Variants in ASL observed in about 807,000 individuals in gnomAD.
ASL encodes argininosuccinate lyase.
Under a neutral mutation model 69.1 loss-of-function variants are expected in ASL, and 51 were observed. The observed-to-expected ratio is 0.74, with a 90% CI of 0.59 to 0.93. The LOEUF is 0.93. ASL is among the 40% of genes least tolerant of loss of function. The probability of loss-of-function intolerance (pLI) is 0.00; values close to 1 mark genes in which losing one functional copy is unlikely to be tolerated. For synonymous variants in ASL, 241 were observed against 247.6 expected, an observed-to-expected ratio of 0.97 and a Z score of 0.25; for missense variants, 540 against 623.9, an observed-to-expected ratio of 0.87 and a Z score of 1.43.
chr7:66,086,905 A>T, intron 8 of ASL, 84 bp downstream of exon 8: 1 of 1,474,614 alleles, frequency 6.8e-7, no homozygotes, highest in Non-Finnish European at 9.2e-7. Flanking sequence ...GGAAGTGCAG[A>T]GTGGGACAGA....
intron 2 of ASL, among the ~76,000 whole-genome samples, chr7:66,081,148 G>T (rs1259313876): frequency 6.6e-6 from 1 of 152,222 alleles, no homozygotes; most frequent in Non-Finnish European, 1.5e-5. Context: ...CCTACCCAGA[G>T]GGTTGTGTCA....
At chr7:66,090,872 C>T (rs1786821035) in intron 14 of ASL, among the ~76,000 whole-genome samples, 1 of 152,010 alleles carries the variant, frequency 6.6e-6, no homozygotes, top group African/African-American at 2.4e-5. Context: ...CTAAGGTGGG[C>T]AGATCACTCG....
At position 66,089,349 on chromosome 7, in the gene ASL, G is replaced by C; in HGVS notation, c.978+14G>C. 1 of 1,596,816 alleles carries C rather than the reference G, an allele frequency of 6.3e-7. No individual in the cohort carries two copies. The highest frequency in any genetic ancestry group is 8.5e-7 in the Non-Finnish European group (1 of 1,171,236). Reference sequence around the variant, plus strand: ...AAAGACTTACAGGTGCGAGGCCGGGGGAGGCCTGGCTAGTACGTGCCAGTT... The same window carrying C: ...AAAGACTTACAGGTGCGAGGCCGGGCGAGGCCTGGCTAGTACGTGCCAGTT... On this transcript the variant is annotated intron_variant, in intron 13 of 16. Coordinates refer to ENST00000304874, the MANE Select transcript of ASL (RefSeq NM_000048.4).
intron 2 of ASL, among the ~76,000 whole-genome samples, chr7:66,077,770 G>A (rs1278818247): frequency 6.6e-6 from 1 of 152,066 alleles, no homozygotes; most frequent in Non-Finnish European, 1.5e-5. Context: ...ACCAAAACTG[G>A]TATTTCCCAT....
intron 2 of ASL, among the ~76,000 whole-genome samples, chr7:66,076,349 T>C (rs1175328384): frequency 2.0e-5 from 3 of 152,300 alleles, no homozygotes; most frequent in East Asian, 3.9e-4. Flanking sequence ...GTAGAGTGGC[T>C]CTGCCCTCAC....
chr7:66,077,262 C>A (rs1269489225), intron 2 of ASL, among the ~76,000 whole-genome samples: 2 of 152,042 alleles, frequency 1.3e-5, no homozygotes, highest in African/African-American at 2.4e-5. Context: ...GACCCTGTCT[C>A]TACAAAAAGA....
intron 14 of ASL, chr7:66,091,681 C>T (rs1786847020): frequency 2.6e-6 from 1 of 378,156 alleles, no homozygotes; most frequent in Admixed American, 3.7e-5. Context: ...ATGGCCACTG[C>T]ACTCCAGCCT....
chr7:66,093,019 G>T lies in ASL; in HGVS notation c.*107G>T. 6.6e-7 allele frequency: 1 copy of T among 1,518,082 alleles called. No homozygotes were observed. Among genetic ancestry groups the T allele is most frequent in the South Asian group, 1.2e-5 (1 of 83,400 alleles). The allele number at this position is 1,518,082 out of a possible 1,614,324, so 94.0% of individuals were successfully genotyped here. ...TGCTGGGCTTTCGGGGCTGGCCAGT[G>T]GGGACAGTCAGGGACTGGAGAGGCA... On this transcript the variant is annotated 3_prime_UTR_variant, in exon 17 of 17. Transcript: ENST00000304874.
At position 66,080,713 on chromosome 7, in the gene ASL, G is replaced by A. The variant is rs373665335; in HGVS notation, c.13-1090G>A. ...CACTCCAGCCTAGGCAACAGAGTGA[G>A]ACTCTATCTCAAAGAAAACGAACAA... On this transcript the variant is annotated intron_variant, in intron 2 of 16. Coordinates refer to ENST00000304874, the MANE Select transcript of ASL (RefSeq NM_000048.4). 1.2e-3 allele frequency among the ~76,000 whole-genome samples: 183 copies of A among 152,310 alleles called. 1 individual carries two copies. The highest frequency in any genetic ancestry group is 4.1e-3 in the African/African-American group (171 of 41,570).
At chr7:66,086,504 AC>A in intron 6 of ASL, 80 bp from the exon 7 acceptor site, 1 of 1,475,794 alleles carries the variant, frequency 6.8e-7, no homozygotes, top group Non-Finnish European at 9.4e-7. Flanking sequence ...TCCAGGGGTG[AC>A]CCAGGCCTGC....
At position 66,077,494 on chromosome 7, in the gene ASL, C is replaced by T. The variant is rs963929794; in HGVS notation, c.12+1401C>T. The stretch of plus-strand genomic sequence containing the variant: ...CTGTAATCCCAGCACTTTGGGAGGT[C>T]GAGGTGGGCAGATCACCTGAGGTCA... On this transcript the variant is annotated intron_variant, in intron 2 of 16. Coordinates refer to ENST00000304874, the MANE Select transcript of ASL (RefSeq NM_000048.4). 3.3e-5 allele frequency among the ~76,000 whole-genome samples: 5 copies of T among 151,938 alleles called. No homozygotes were observed. The South Asian group carries it at 6.3e-4, about 19-fold the overall frequency.
At chr7:66,082,339 G>T in intron 3 of ASL, 29 bp from the exon 4 acceptor site, 2 of 1,595,968 alleles carry the variant, frequency 1.3e-6, no homozygotes, top group South Asian at 2.3e-5. Flanking sequence ...CTGCTCACCT[G>T]ACCCCGGCAT....
chr7:66,085,077 A>G (rs890776714), intron 6 of ASL, among the ~76,000 whole-genome samples: 5 of 152,272 alleles, frequency 3.3e-5, no homozygotes, highest in East Asian at 3.9e-4. Context: ...GAATTTCTTC[A>G]TGGGGTGATG....
intron 6 of ASL, among the ~76,000 whole-genome samples, chr7:66,083,883 TGCTGGCCTCA>T (rs1786585186): frequency 6.6e-6 from 1 of 152,152 alleles, no homozygotes; most frequent in African/African-American, 2.4e-5. Context: ...GGCTGCCTCC[TGCTGGCCTCA>T]TTTCAGGCTT....
chr7:66,090,038 G>A (rs553595831), intron 14 of ASL, among the ~76,000 whole-genome samples: 1 of 152,326 alleles, frequency 6.6e-6, no homozygotes, highest in African/African-American at 2.4e-5. Flanking sequence ...AGGGGTTTGA[G>A]ACCAGCCTGG....
At chr7:66,082,602 T>C (rs1786540058) in intron 4 of ASL, 151 bp downstream of exon 4, 1 of 1,013,544 alleles carries the variant, frequency 9.9e-7, no homozygotes, top group Non-Finnish European at 1.5e-6. Flanking sequence ...GGCTCATGCC[T>C]ATAATCCTAG....
intron 6 of ASL, among the ~76,000 whole-genome samples, chr7:66,084,380 T>A (rs1199117533): frequency 6.6e-6 from 1 of 152,042 alleles, no homozygotes; most frequent in Admixed American, 6.6e-5. Context: ...CAGGCTGGTC[T>A]TGAACTCCTG....
At chr7:66,080,476 A>C (rs1161910599) in intron 2 of ASL, among the ~76,000 whole-genome samples, 4 of 151,692 alleles carry the variant, frequency 2.6e-5, no homozygotes, top group Admixed American at 6.6e-5. Context: ...AATCCCAAGC[A>C]CTTCGGGATG....
chr7:66,082,958 C>CT, intron 5 of ASL, 22 bp downstream of exon 5: 2 of 1,612,972 alleles, frequency 1.2e-6, no homozygotes, highest in Non-Finnish European at 1.7e-6. Flanking sequence ...CCTCCACCCC[C>CT]TGCTCCGTGT....
Sources: allele counts gnomAD v4.1 joint callset (sites outside exome capture counted in the v4.1 genomes callset), GRCh38; gene constraint gnomAD v4.1.1; transcripts MANE v1.5; gene names NCBI Gene and HGNC (gene_info 2026-07-23, HGNC 2026-07-21).